FER: variants seen among roughly 807,000 people sequenced by gnomAD.
FER encodes FER tyrosine kinase.
FER carries 63 observed loss-of-function variants against 111.0 expected under a neutral mutation model. That is an observed-to-expected ratio of 0.57 (90% CI 0.46 to 0.70). The LOEUF is 0.70. Ranked by LOEUF, FER falls within the 30% of genes least tolerant of loss-of-function variation. FER has a pLI of 0.00. For missense variants in FER, 914 were observed against 954.0 expected (o/e 0.96, Z 0.55); for synonymous variants, 327 against 313.9 (o/e 1.04, Z -0.44).
At chr5:109,022,883 G>A (rs1217894907) in intron 13 of FER, among the ~76,000 whole-genome samples, 1 of 152,102 alleles carries the variant, frequency 6.6e-6, no homozygotes, top group African/African-American at 2.4e-5. Context: ...TAAGGATAGA[G>A]ATCTGCAGGG....
chr5:108,780,069 T>A (rs1339983447), intron 2 of FER, among the ~76,000 whole-genome samples: 1 of 152,218 alleles, frequency 6.6e-6, no homozygotes, highest in African/African-American at 2.4e-5. Context: ...GAAAAACACA[T>A]AAGCATACAT....
chr5:109,054,620 T>C (rs1305643041), intron 16 of FER, among the ~76,000 whole-genome samples: 7 of 152,228 alleles, frequency 4.6e-5, no homozygotes, highest in Non-Finnish European at 1.0e-4. Context: ...TCAATTTTTT[T>C]CTTTTATGGA....
At chr5:109,031,693 A>C (rs769671996) in intron 13 of FER, among the ~76,000 whole-genome samples, 17 of 152,092 alleles carry the variant, frequency 1.1e-4, no homozygotes, top group Non-Finnish European at 2.4e-4. Context: ...GAAGATTTCT[A>C]CTTCTTTCTA....
chr5:109,130,381 T>C (rs1752229438), intron 17 of FER, among the ~76,000 whole-genome samples: 2 of 152,132 alleles, frequency 1.3e-5, no homozygotes, highest in African/African-American at 4.8e-5. Flanking sequence ...TTATTAAAGA[T>C]GCCATAGTGT....
At chr5:109,089,330 T>C (rs1403951382) in intron 16 of FER, among the ~76,000 whole-genome samples, 1 of 152,190 alleles carries the variant, frequency 6.6e-6, no homozygotes, top group African/African-American at 2.4e-5. Flanking sequence ...TTGTTACCCC[T>C]TTCACATTTT....
intron 1 of FER, among the ~76,000 whole-genome samples, chr5:108,758,860 A>G (rs1223526556): frequency 6.6e-6 from 1 of 152,228 alleles, no homozygotes; most frequent in African/African-American, 2.4e-5. Flanking sequence ...AAACGCATTT[A>G]CTATAGTCCT....
At chr5:108,884,724 A>G (rs886664560) in intron 9 of FER, among the ~76,000 whole-genome samples, 1 of 151,710 alleles carries the variant, frequency 6.6e-6, no homozygotes, top group African/African-American at 2.4e-5. Context: ...TTTCCCACGT[A>G]CTATCTTTGC....
At chr5:109,163,195 G>T (rs926768690) in intron 17 of FER, among the ~76,000 whole-genome samples, 2 of 151,942 alleles carry the variant, frequency 1.3e-5, no homozygotes. Context: ...ATGCTTTTCA[G>T]ATCTGTCCAT....
At chr5:108,923,799 A>G (rs1255646272) in intron 10 of FER, among the ~76,000 whole-genome samples, 2 of 152,144 alleles carry the variant, frequency 1.3e-5, no homozygotes, top group Admixed American at 6.5e-5. Flanking sequence ...GAGACCTTAG[A>G]GATCATTTAC....
At chr5:109,141,303 T>A (rs1753499567) in intron 17 of FER, among the ~76,000 whole-genome samples, 1 of 152,170 alleles carries the variant, frequency 6.6e-6, no homozygotes, top group Admixed American at 6.5e-5. Context: ...TAAGAAAAGC[T>A]CACAAGAGCT....
chr5:109,045,154 C>T (rs1476820550), intron 15 of FER, among the ~76,000 whole-genome samples: 1 of 151,890 alleles, frequency 6.6e-6, no homozygotes, highest in African/African-American at 2.4e-5. Flanking sequence ...ATAATTACAT[C>T]TGTCCTACCC....
At chr5:108,914,371 G>T (rs145961478) in intron 10 of FER, among the ~76,000 whole-genome samples, 1 of 151,878 alleles carries the variant, frequency 6.6e-6, no homozygotes, top group Admixed American at 6.6e-5. Context: ...CTCTGTTACC[G>T]ACTCTCTAAC....
At chr5:108,868,624 G>A (rs555661916) in intron 6 of FER, among the ~76,000 whole-genome samples, 11 of 152,132 alleles carry the variant, frequency 7.2e-5, no homozygotes, top group Non-Finnish European at 1.5e-4. Flanking sequence ...AAATTGTGTC[G>A]GGGAATTCTT....
intron 2 of FER, among the ~76,000 whole-genome samples, chr5:108,793,057 A>G (rs973790608): frequency 6.6e-6 from 1 of 152,166 alleles, no homozygotes; most frequent in African/African-American, 2.4e-5. Flanking sequence ...GATAATGTAC[A>G]ATTAAATTAT....
intron 18 of FER, among the ~76,000 whole-genome samples, chr5:109,181,918 G>A (rs556224420): frequency 2.4e-4 from 36 of 152,178 alleles, no homozygotes; most frequent in South Asian, 2.1e-3. Flanking sequence ...CTTCCGTTCC[G>A]TTGTCCCCTA....
Position 109,021,167 on chromosome 5 carries a change from G to T in FER, c.1657-16255G>T, listed in dbSNP as rs535640448. 1.6e-3 allele frequency among the ~76,000 whole-genome samples: 240 copies of T among 152,040 alleles called. 2 individuals are homozygous for T. The highest frequency in any genetic ancestry group is 2.5e-3 in the Non-Finnish European group (172 of 67,944). ...GTGAATATATATAATACGTATATTT[G>T]CTGTACTCAGTGTTATCCTACTACC... On this transcript the variant is annotated intron_variant, in intron 13 of 19. Transcript: ENST00000281092.
At chr5:109,070,643 C>G (rs994909740) in intron 16 of FER, among the ~76,000 whole-genome samples, 1 of 151,708 alleles carries the variant, frequency 6.6e-6, no homozygotes. Flanking sequence ...GAATTTAACT[C>G]TTGGCTCTAG....
intron 13 of FER, 56 bp from the exon 14 acceptor site, chr5:109,037,366 C>T (rs1278794071): frequency 6.7e-7 from 1 of 1,483,200 alleles, no homozygotes; most frequent in Admixed American, 1.7e-5. Flanking sequence ...TCAAATGCAA[C>T]TTCAAGAAGT....
At chr5:108,927,264 T>C (rs1753889921) in intron 10 of FER, among the ~76,000 whole-genome samples, 1 of 116,134 alleles carries the variant, frequency 8.6e-6, no homozygotes. Context: ...TTTTTTTTTT[T>C]TTTTTTTGAG....
Sources: gnomAD v4.1 joint callset for allele counts (sites outside exome capture counted in the v4.1 genomes callset) on GRCh38, gnomAD v4.1.1 for gene constraint, MANE v1.5 for transcripts, NCBI Gene and HGNC (gene_info 2026-07-23, HGNC 2026-07-21) for gene names.